The following MYT1L variants were observed in gnomAD, a reference collection of about 807,000 sequenced individuals.
The protein encoded by MYT1L is myelin transcription factor 1 like, also known as myelin transcription factor 1-like protein.
Under a neutral mutation model 126.7 loss-of-function variants are expected in MYT1L, and 12 were observed. The observed-to-expected ratio is 0.09, with a 90% CI of 0.06 to 0.15. MYT1L has a LOEUF of 0.15. Among genes scored for constraint, MYT1L ranks in the 10% least tolerant of loss-of-function variants. The pLI, the probability that MYT1L is intolerant of heterozygous loss-of-function variation, is 1.00. For synonymous variants in MYT1L, 541 were observed against 604.2 expected (o/e 0.90, Z 1.53); for missense variants, 979 against 1,585.2 (o/e 0.62, Z 6.49).
rs1174179411 is a variant in MYT1L, at chr2:1,956,619, T to TCTACCTACCTAC, written c.153-13297_153-13286dup. Among the ~76,000 whole-genome samples, 12 of 134,356 alleles carry TCTACCTACCTAC rather than the reference T, an allele frequency of 8.9e-5. No homozygotes were observed. The East Asian group carries it at 1.1e-3, about 12-fold the overall frequency. The allele number at this position is 134,356 out of a possible 152,430, so 88.1% of individuals were successfully genotyped here. A position where few individuals can be genotyped will look rare whatever the true frequency, so the allele number is the denominator to read the frequency against. On this transcript the variant is annotated intron_variant, in intron 8 of 24. Coordinates refer to ENST00000647738, the MANE Select transcript of MYT1L (RefSeq NM_001303052.2). ...ATCTATCTATCTATCTATCTATCTA[T>TCTACCTACCTAC]CTACCTACCTACCTATCTAGCTATC... is the stretch of plus-strand genomic sequence containing the variant.
chr2:1,823,188 G>A (rs2038800552), intron 21 of MYT1L, among the ~76,000 whole-genome samples: 3 of 152,202 alleles, frequency 2.0e-5, no homozygotes, highest in Non-Finnish European at 4.4e-5. Context: ...ACAGCCCTGT[G>A]GCAGCTTGGC....
intron 3 of MYT1L, among the ~76,000 whole-genome samples, chr2:2,099,243 ACT>A (rs1244811524): frequency 9.9e-5 from 15 of 151,984 alleles, no homozygotes; most frequent in African/African-American, 3.6e-4. Flanking sequence ...GTTTTCTCAG[ACT>A]CTCAGCAAAT....
At chr2:2,186,271 C>T (rs2092179164) in intron 2 of MYT1L, among the ~76,000 whole-genome samples, 1 of 150,058 alleles carries the variant, frequency 6.7e-6, no homozygotes, top group Admixed American at 6.6e-5. Context: ...CTTCCCGAGT[C>T]CCGCGTTCCT....
At chr2:1,982,443 G>A (rs2060681787) in intron 5 of MYT1L, among the ~76,000 whole-genome samples, 1 of 152,234 alleles carries the variant, frequency 6.6e-6, no homozygotes, top group South Asian at 2.1e-4. Context: ...TGGAAGTTTG[G>A]ATGAGGCTTC....
At chr2:2,322,963 C>T (rs1336933755) in intron 1 of MYT1L, among the ~76,000 whole-genome samples, 1 of 151,878 alleles carries the variant, frequency 6.6e-6, no homozygotes, top group Non-Finnish European at 1.5e-5. Flanking sequence ...AGTTTACCAG[C>T]AAATTTAAAA....
At chr2:1,868,577 C>T (rs753874545) in intron 18 of MYT1L, among the ~76,000 whole-genome samples, 61 of 152,298 alleles carry the variant, frequency 4.0e-4, no homozygotes, top group Non-Finnish European at 6.9e-4. Context: ...TCCCCGGCCC[C>T]GAAGGCAGGG....
At chr2:1,855,613 A>G (rs2148568767) in intron 18 of MYT1L, among the ~76,000 whole-genome samples, 1 of 152,338 alleles carries the variant, frequency 6.6e-6, no homozygotes, top group African/African-American at 2.4e-5. Flanking sequence ...GGCTATTTTA[A>G]GTTCCTGTAG....
intron 3 of MYT1L, among the ~76,000 whole-genome samples, chr2:2,065,565 TCAGTAACCCGGC>T (rs1220781920): frequency 6.6e-6 from 1 of 152,070 alleles, no homozygotes; most frequent in Non-Finnish European, 1.5e-5. Flanking sequence ...ATTACCAGCC[TCAGTAACCCGGC>T]ATGGTTTCCT....
intron 3 of MYT1L, among the ~76,000 whole-genome samples, chr2:2,134,950 C>T (rs1055311108): frequency 3.7e-4 from 57 of 152,136 alleles, no homozygotes; most frequent in Admixed American, 3.1e-3. Context: ...TACCATCTGC[C>T]TTCTTGCTTT....
chr2:1,937,360 G>GT (rs2056054366), intron 9 of MYT1L, among the ~76,000 whole-genome samples: 1 of 149,752 alleles, frequency 6.7e-6, no homozygotes, highest in African/African-American at 2.5e-5. Flanking sequence ...AGATCGCACA[G>GT]CGAGAAGGCC....
chr2:1,893,025 C>T (rs1011417480), intron 14 of MYT1L, among the ~76,000 whole-genome samples: 4 of 152,162 alleles, frequency 2.6e-5, no homozygotes, highest in East Asian at 1.9e-4. Flanking sequence ...GGCAGACACG[C>T]GGGGCACGTG....
chr2:2,243,143 A>G (rs2149157542), intron 2 of MYT1L, among the ~76,000 whole-genome samples: 1 of 152,266 alleles, frequency 6.6e-6, no homozygotes, highest in South Asian at 2.1e-4. Flanking sequence ...AAGTTGGAAA[A>G]CCAAAGGAGA....
intron 3 of MYT1L, among the ~76,000 whole-genome samples, chr2:2,172,423 C>A (rs2090178094): frequency 6.6e-6 from 1 of 152,208 alleles, no homozygotes; most frequent in Non-Finnish European, 1.5e-5. Context: ...GCAGTGATGC[C>A]TCATCTAATT....
chr2:1,859,935 C>T (rs2044371188), intron 18 of MYT1L, among the ~76,000 whole-genome samples: 1 of 152,236 alleles, frequency 6.6e-6, no homozygotes, highest in Middle Eastern at 3.2e-3. Context: ...GGGATTCTCT[C>T]GCTGCGGTTT....
chr2:2,029,310 A>G (rs747284254), intron 4 of MYT1L, among the ~76,000 whole-genome samples: 32 of 152,346 alleles, frequency 2.1e-4, no homozygotes, highest in Admixed American at 3.9e-4. Flanking sequence ...GGGTAATTAT[A>G]AAGGAAAGAG....
intron 8 of MYT1L, among the ~76,000 whole-genome samples, chr2:1,967,710 G>C (rs148059257): frequency 3.8e-4 from 58 of 152,246 alleles, no homozygotes; most frequent in African/African-American, 1.3e-3. Context: ...GTCGTTCCAG[G>C]GTGGAAGAGG....
intron 3 of MYT1L, among the ~76,000 whole-genome samples, chr2:2,093,415 AAAG>A (rs1380391549): frequency 3.3e-5 from 5 of 151,550 alleles, no homozygotes; most frequent in South Asian, 2.1e-4. Flanking sequence ...AAAAAAAAAA[AAAG>A]ATTATCAGAA....
chr2:2,216,043 GTC>G (rs146632684), intron 2 of MYT1L, among the ~76,000 whole-genome samples: 12,730 of 121,992 alleles, frequency 0.1, 580 homozygotes, highest in Middle Eastern at 0.14. Flanking sequence ...CTGTCTGTCT[GTC>G]TCTCTCTCTC....
chr2:2,275,836 T>C (rs2095349277), intron 2 of MYT1L, among the ~76,000 whole-genome samples: 1 of 152,108 alleles, frequency 6.6e-6, no homozygotes, highest in Non-Finnish European at 1.5e-5. Context: ...AACCAACCTA[T>C]TCTTTCACAC....
Sources: gnomAD v4.1 joint callset for allele counts (sites outside exome capture counted in the v4.1 genomes callset) on GRCh38, gnomAD v4.1.1 for gene constraint, MANE v1.5 for transcripts, NCBI Gene and HGNC (gene_info 2026-07-23, HGNC 2026-07-21) for gene names.